The following HTR3B variants were observed in gnomAD, a reference collection of about 807,000 sequenced individuals.
The protein encoded by HTR3B is 5-hydroxytryptamine (serotonin) receptor 3B, ionotropic.
Under a neutral mutation model 42.8 loss-of-function variants are expected in HTR3B, and 44 were observed. The ratio of observed to expected loss-of-function variants is 1.03; its 90% CI spans 0.81 to 1.32. The LOEUF is 1.32. Ranked by LOEUF, HTR3B falls within the 40% of genes most tolerant of loss-of-function variation. HTR3B has a pLI of 0.00. For synonymous variants in HTR3B, 203 were observed against 209.0 expected (o/e 0.97, Z 0.25); for missense variants, 527 against 536.5 (o/e 0.98, Z 0.17).
intron 6 of HTR3B, among the ~76,000 whole-genome samples, chr11:113,942,705 G>A (rs1306138720): frequency 6.6e-6 from 1 of 152,146 alleles, no homozygotes; most frequent in African/African-American, 2.4e-5. Context: ...TGAGTCTGGT[G>A]CCTGGCACAC....
chr11:113,947,601 T>C lies in HTR3B; in HGVS notation c.*1464T>C, dbSNP rs1950189648. Among the ~76,000 whole-genome samples the C allele has an allele frequency of 6.6e-6, 1 of 152,200 alleles. No homozygotes were observed. The highest frequency in any genetic ancestry group is 1.5e-5 in the Non-Finnish European group (1 of 68,028). On this transcript the variant is annotated 3_prime_UTR_variant, in exon 9 of 9. Transcript: ENST00000260191. Reference sequence around the variant, plus strand: ...TTGTTTTCACATGACCTTTCCTCTGTGCATGCTCATGTCTGTGTCCAGATT... The same window carrying C: ...TTGTTTTCACATGACCTTTCCTCTGCGCATGCTCATGTCTGTGTCCAGATT...
chr11:113,918,625 C>CT (rs36002462), intron 2 of HTR3B, among the ~76,000 whole-genome samples: 36,920 of 127,644 alleles, frequency 0.29, 5,058 homozygotes, highest in Middle Eastern at 0.37. Flanking sequence ...CAGGTTAGGG[C>CT]TTTTTTTTTT....
At chr11:113,921,617 CAA>C (rs765786534) in intron 2 of HTR3B, among the ~76,000 whole-genome samples, 29 of 95,618 alleles carry the variant, frequency 3.0e-4, no homozygotes, top group African/African-American at 5.2e-4. Context: ...GACTCCGTCT[CAA>C]AAAAAAAAAA....
chr11:113,942,442 A>G lies in HTR3B; in HGVS notation c.697-540A>G, dbSNP rs1009540363. ...CCATTGCACTCTAGCCTGGGCAACAAGAGCGAAACTCCGTCACACACACAC... is the reference window on the plus strand; with the variant it reads ...CCATTGCACTCTAGCCTGGGCAACAGGAGCGAAACTCCGTCACACACACAC... On this transcript the variant is annotated intron_variant, in intron 6 of 8. Transcript: ENST00000260191. Among the ~76,000 whole-genome samples the G allele has an allele frequency of 1.3e-5, 2 of 152,210 alleles. 1 individual carries two copies. The highest frequency in any genetic ancestry group is 4.8e-5 in the African/African-American group (2 of 41,442).
intron 2 of HTR3B, among the ~76,000 whole-genome samples, chr11:113,925,209 A>G (rs999410689): frequency 2.0e-5 from 3 of 152,100 alleles, no homozygotes; most frequent in Admixed American, 2.0e-4. Flanking sequence ...ATGGATTTTT[A>G]TGTCGCTGGA....
At chr11:113,931,955 A>T in intron 4 of HTR3B, 88 bp downstream of exon 4, 2 of 815,300 alleles carry the variant, frequency 2.5e-6, no homozygotes, top group Non-Finnish European at 4.3e-6. Context: ...AGTGTTGCTC[A>T]TTTTTGCTTC....
rs200157764 is a variant in HTR3B, at chr11:113,915,236, C to T, written c.213+5781C>T. Among the ~76,000 whole-genome samples, 37 of 152,256 alleles carry T rather than the reference C, an allele frequency of 2.4e-4. No individual in the cohort carries two copies. The East Asian group carries it at 7.2e-3, about 29-fold the overall frequency. On this transcript the variant is annotated intron_variant, in intron 2 of 8. Transcript: ENST00000260191. ...TGTTTTGCTTTGAGACAGGGTCTCACTCTGTTACTTAGGCTGGAGTGCAGT... is the reference window on the plus strand; with the variant it reads ...TGTTTTGCTTTGAGACAGGGTCTCATTCTGTTACTTAGGCTGGAGTGCAGT...
rs186611127 is a variant in HTR3B at position 113,936,985 on chromosome 11, T to G, written c.696+3892T>G. ...GCTCCAAATACCTTTGTGTACTTAT[T>G]ATTACCTGGCTTTAATGGATAATGA... On this transcript the variant is annotated intron_variant, in intron 6 of 8. Coordinates refer to ENST00000260191, the MANE Select transcript of HTR3B (RefSeq NM_006028.5). Among the ~76,000 whole-genome samples the G allele has an allele frequency of 3.9e-5, 6 of 152,376 alleles. No individual in the cohort carries two copies. The East Asian group carries it at 1.2e-3, about 29-fold the overall frequency.
upstream of HTR3B, among the ~76,000 whole-genome samples, chr11:113,901,154 A>G (rs1424873513): frequency 6.6e-6 from 1 of 152,256 alleles, no homozygotes; most frequent in African/African-American, 2.4e-5. Flanking sequence ...AAAAGAACTG[A>G]GTATGAGCTG....
rs1357332218 is a variant in HTR3B at position 113,946,087 on chromosome 11, A to G, written c.1276A>G (p.Ile426Val). The change falls in exon 9 of 9, where the codon ATC becomes GTC. Residue 426 changes from isoleucine (I) to valine (V), a missense_variant. Coordinates refer to ENST00000260191, the MANE Select transcript of HTR3B (RefSeq NM_006028.5). ...LFQSYLFMLGIYTITLCSLWA... is the reference protein window; with the variant it reads ...LFQSYLFMLGVYTITLCSLWA... ...CCAAAGCTACCTTTTCATGCTGGGG[A>G]TCTACACCATCACTCTGTGCTCCCT... is the stretch of plus-strand genomic sequence containing the variant. The G allele has an allele frequency of 4.3e-6, 7 of 1,613,926 alleles. No individual in the cohort carries two copies. Among genetic ancestry groups the G allele is most frequent in the Non-Finnish European group, 5.9e-6 (7 of 1,180,014 alleles).
intron 2 of HTR3B, among the ~76,000 whole-genome samples, chr11:113,922,580 CA>C (rs1949926815): frequency 6.6e-6 from 1 of 151,288 alleles, no homozygotes; most frequent in Non-Finnish European, 1.5e-5. Flanking sequence ...GAGCGAGACG[CA>C]GTCTCGCTCT....
At chr11:113,900,863 G>GGA (rs139604425), upstream of HTR3B, among the ~76,000 whole-genome samples, 33 of 151,720 alleles carry the variant, frequency 2.2e-4, no homozygotes, top group Middle Eastern at 3.4e-3. Flanking sequence ...CATCCATGGT[G>GGA]GAGAGAGAGA....
At chr11:113,921,403 C>A (rs1049408838) in intron 2 of HTR3B, among the ~76,000 whole-genome samples, 1 of 152,118 alleles carries the variant, frequency 6.6e-6, no homozygotes, top group Admixed American at 6.5e-5. Flanking sequence ...CTCAGCCTCC[C>A]AAAGTGCTAG....
intron 6 of HTR3B, among the ~76,000 whole-genome samples, chr11:113,938,083 T>A (rs1176737): frequency 0.083 from 12,674 of 152,094 alleles, 862 homozygotes; most frequent in African/African-American, 0.19. Context: ...GTCTCTTCTC[T>A]TCTTATCAGA....
At chr11:113,913,656 A>G (rs2137493316) in intron 2 of HTR3B, among the ~76,000 whole-genome samples, 1 of 151,932 alleles carries the variant, frequency 6.6e-6, no homozygotes, top group East Asian at 1.9e-4. Context: ...CTGGGACTAC[A>G]GGCACGTGCC....
In HTR3B at chr11:113,946,276, G is replaced by T. The variant is rs149109582; in HGVS notation, c.*139G>T. 2.3e-3 allele frequency: 1,533 copies of T among 662,490 alleles called. 12 individuals carry two copies. In the African/African-American group the frequency reaches 0.024, roughly 10 times the overall value. The allele number at this position is 662,490 out of a possible 1,614,324, so 41.0% of individuals were successfully genotyped here. On this transcript the variant is annotated 3_prime_UTR_variant, in exon 9 of 9. Transcript: ENST00000260191. ...AGTGCTTTGGGAGGCCATAGCAGGA[G>T]GATTGCTTGAGCCCAGGAGTTCGAG...
rs550259126 is a variant in HTR3B, at chr11:113,914,157, A to T, written c.213+4702A>T. ...GTTTTTTTAATTTTTAAAAAGATTT[A>T]AAAAATGTTTTAAAAATTAAATTAA... On this transcript the variant is annotated intron_variant, in intron 2 of 8. Coordinates refer to ENST00000260191, the MANE Select transcript of HTR3B (RefSeq NM_006028.5). Among the ~76,000 whole-genome samples, 226 of 152,238 alleles carry T rather than the reference A, an allele frequency of 1.5e-3. 3 individuals are homozygous for T. In the South Asian group the frequency reaches 0.019, roughly 13 times the overall value.
chr11:113,933,308 C>T (rs1950056749), intron 6 of HTR3B, among the ~76,000 whole-genome samples: 2 of 152,098 alleles, frequency 1.3e-5, no homozygotes, highest in African/African-American at 4.8e-5. Flanking sequence ...ATAACAGACA[C>T]CAGAGGCCTG....
intron 6 of HTR3B, among the ~76,000 whole-genome samples, chr11:113,934,397 GGAAAGAAAGAAAAAAA>G (rs1412907017): frequency 9.7e-6 from 1 of 102,710 alleles, no homozygotes; most frequent in East Asian, 2.7e-4. Flanking sequence ...GAAGAAAGAA[GGAAAGAAAGAAAAAAA>G]GAAAGAAAGA....
Sources: allele counts gnomAD v4.1 joint callset (sites outside exome capture counted in the v4.1 genomes callset), GRCh38; gene constraint gnomAD v4.1.1; transcripts MANE v1.5; gene names NCBI Gene and HGNC (gene_info 2026-07-23, HGNC 2026-07-21).